Variants in WDR44 observed in about 807,000 individuals in gnomAD.
WDR44 encodes the protein WD repeat-containing protein 44.
A neutral mutation model predicts 65.7 loss-of-function variants in WDR44; 9 were observed. The observed-to-expected ratio is 0.14, with a 90% CI of 0.08 to 0.24. The LOEUF is 0.24. Ranked by LOEUF, WDR44 falls within the 10% of genes least tolerant of loss-of-function variation. The pLI is 1.00. For missense variants in WDR44, 425 were observed against 670.9 expected, an observed-to-expected ratio of 0.63 and a Z score of 4.05; for synonymous variants, 220 against 235.2, an observed-to-expected ratio of 0.94 and a Z score of 0.59.
intron 13 of WDR44, among the ~76,000 whole-genome samples, chrX:118,433,699 A>T (rs947358955): frequency 8.9e-6 from 1 of 112,079 alleles, no homozygotes; most frequent in Admixed American, 9.5e-5. Flanking sequence ...AACATAATAA[A>T]TGTTCAATTA....
At chrX:118,347,055 A>G (rs766394852) in intron 1 of WDR44, among the ~76,000 whole-genome samples, 2 of 111,568 alleles carry the variant, frequency 1.8e-5, no homozygotes, top group African/African-American at 3.3e-5. Context: ...ACTCTCCCCT[A>G]TTTGCCGTCC....
chrX:118,414,187 A>G (rs2057034869), intron 12 of WDR44, among the ~76,000 whole-genome samples: 1 of 104,010 alleles, frequency 9.6e-6, no homozygotes, highest in African/African-American at 3.6e-5. Context: ...TGAATTTTAG[A>G]ATTGTTTTTT....
At chrX:118,395,396 A>G in intron 6 of WDR44, 52 bp downstream of exon 6, 2 of 1,035,406 alleles carry the variant, frequency 1.9e-6, no homozygotes, top group African/African-American at 1.9e-5. Flanking sequence ...TACAAAAAAC[A>G]TAATGGGAAG....
intron 1 of WDR44, among the ~76,000 whole-genome samples, chrX:118,351,780 T>TTGA (rs1396851127): frequency 1.8e-5 from 2 of 109,868 alleles, no homozygotes; most frequent in Non-Finnish European, 3.8e-5. Context: ...TCAAACCCCA[T>TTGA]CTCTACTAAA....
intron 1 of WDR44, among the ~76,000 whole-genome samples, chrX:118,352,921 C>T (rs1338734002): frequency 9.0e-6 from 1 of 111,663 alleles, no homozygotes; most frequent in African/African-American, 3.3e-5. Flanking sequence ...TTTTGATACA[C>T]ATGTTCACAG....
intron 12 of WDR44, among the ~76,000 whole-genome samples, chrX:118,427,656 T>A (rs1440301480): frequency 2.8e-5 from 3 of 106,444 alleles, no homozygotes; most frequent in Non-Finnish European, 5.8e-5. Flanking sequence ...CTCTCCACCA[T>A]GAAGTAAGCT....
intron 12 of WDR44, among the ~76,000 whole-genome samples, chrX:118,414,557 C>T (rs1602944993): frequency 9.0e-6 from 1 of 111,678 alleles, no homozygotes; most frequent in Non-Finnish European, 1.9e-5. Context: ...TGATTTCTTT[C>T]AGCAGCGTTT....
intron 12 of WDR44, 92 bp downstream of exon 12, chrX:118,411,051 A>T (rs2057008904): frequency 1.4e-6 from 1 of 697,303 alleles, no homozygotes; most frequent in Non-Finnish European, 2.1e-6. Flanking sequence ...TTACAGTTGC[A>T]TGAAGACACT....
At chrX:118,422,766 G>A (rs1184006786) in intron 12 of WDR44, among the ~76,000 whole-genome samples, 2 of 111,745 alleles carry the variant, frequency 1.8e-5, no homozygotes, top group African/African-American at 6.5e-5. Flanking sequence ...TTAACTATAA[G>A]GGAGTGAGAG....
At chrX:118,354,284 G>C (rs2802620) in intron 1 of WDR44, among the ~76,000 whole-genome samples, 28,721 of 109,039 alleles carry the variant, frequency 0.26, 3,150 homozygotes, top group African/African-American at 0.39. Flanking sequence ...TGGACATGAT[G>C]GTGCATGCCT....
intron 2 of WDR44, among the ~76,000 whole-genome samples, chrX:118,384,988 T>C (rs1167715751): frequency 3.6e-5 from 4 of 111,664 alleles, no homozygotes; most frequent in Non-Finnish European, 5.6e-5. Flanking sequence ...TAGTGTATAA[T>C]AATGCTAGTG....
chrX:118,379,792 T>C (rs1327351455), intron 2 of WDR44, among the ~76,000 whole-genome samples: 4 of 111,865 alleles, frequency 3.6e-5, no homozygotes, highest in Non-Finnish European at 7.5e-5. Context: ...TTATTTTGTA[T>C]TTACTTAATA....
In WDR44 at chrX:118,398,368, C is replaced by A. The variant is rs759118582; in HGVS notation, c.1191-19C>A. ...ATAGAAGAAATGGCTTCTTTTAAAA[C>A]AACTTCCCCTTCTTACAGTAATGAC... is the stretch of plus-strand genomic sequence containing the variant. On this transcript the variant is annotated intron_variant, in intron 7 of 19. Coordinates refer to ENST00000254029, the MANE Select transcript of WDR44 (RefSeq NM_019045.5). The A allele has an allele frequency of 4.2e-6, 5 of 1,196,639 alleles. No individual in the cohort carries two copies. Among genetic ancestry groups the A allele is most frequent in the Non-Finnish European group, 5.7e-6 (5 of 884,676 alleles).
chrX:118,361,745 C>T (rs1022554560), intron 1 of WDR44, among the ~76,000 whole-genome samples: 1 of 111,283 alleles, frequency 9.0e-6, no homozygotes, highest in Admixed American at 9.6e-5. Context: ...GAAACAGAGA[C>T]CTTGTCTCAA....
At chrX:118,350,405 A>G (rs2802616) in intron 1 of WDR44, among the ~76,000 whole-genome samples, 29,099 of 110,706 alleles carry the variant, frequency 0.26, 3,158 homozygotes, top group African/African-American at 0.39. Context: ...CGTGTGGTAC[A>G]CTAGAAAAGA....
At position 118,367,339 on chromosome X, in the gene WDR44, T is replaced by G. The variant is rs975370997; in HGVS notation, c.78-11080T>G. 6.2e-5 allele frequency among the ~76,000 whole-genome samples: 7 copies of G among 112,008 alleles called. No individual in the cohort carries two copies. The Admixed American group carries it at 6.7e-4, about 11-fold the overall frequency. On this transcript the variant is annotated intron_variant, in intron 1 of 19. Transcript: ENST00000254029. ...ATTTGGGACTAAAACTCAGGTCTCC[T>G]GATTCTGCTCTTTTTTTGTGTGTGT...
chrX:118,351,961 A>AACAG (rs10666091), intron 1 of WDR44, among the ~76,000 whole-genome samples: 8 of 107,664 alleles, frequency 7.4e-5, no homozygotes, highest in Non-Finnish European at 1.5e-4. Flanking sequence ...TAAATAAACA[A>AACAG]TTTATATTTA....
intron 13 of WDR44, among the ~76,000 whole-genome samples, chrX:118,435,201 A>G (rs1432213080): frequency 1.8e-5 from 2 of 112,748 alleles, no homozygotes; most frequent in Non-Finnish European, 3.7e-5. Context: ...GGATGTCTTC[A>G]TACCTCTTTC....
chrX:118,352,086 CTCT>C (rs956431943), intron 1 of WDR44, among the ~76,000 whole-genome samples: 1 of 107,487 alleles, frequency 9.3e-6, no homozygotes, highest in Non-Finnish European at 1.9e-5. Flanking sequence ...AAACTGTATT[CTCT>C]TCTTGTGATA....
Sources: allele counts gnomAD v4.1 joint callset (sites outside exome capture counted in the v4.1 genomes callset), GRCh38; gene constraint gnomAD v4.1.1; transcripts MANE v1.5; gene names NCBI Gene and HGNC (gene_info 2026-07-23, HGNC 2026-07-21).